The following PTPRK variants were observed in gnomAD, a reference collection of about 807,000 sequenced individuals.
PTPRK encodes the protein protein tyrosine phosphatase receptor type K, also known as receptor-type tyrosine-protein phosphatase kappa.
Under a neutral mutation model 178.0 loss-of-function variants are expected in PTPRK, and 75 were observed. The observed-to-expected ratio is 0.42, with a 90% CI of 0.35 to 0.51. PTPRK has a LOEUF of 0.51. Ranked by LOEUF, PTPRK falls within the 20% of genes least tolerant of loss-of-function variation. The pLI is 0.02. For missense variants in PTPRK, 1,441 were observed against 1,797.8 expected (o/e 0.80, Z 3.59); for synonymous variants, 637 against 620.6 (o/e 1.03, Z -0.39).
intron 2 of PTPRK, among the ~76,000 whole-genome samples, chr6:128,376,495 T>C (rs1214497997): frequency 1.3e-5 from 2 of 152,128 alleles, no homozygotes; most frequent in Non-Finnish European, 2.9e-5. Context: ...CATCTTTTTC[T>C]CCTAGCCCTC....
intron 13 of PTPRK, among the ~76,000 whole-genome samples, chr6:128,035,458 C>A (rs1055692486): frequency 2.0e-5 from 3 of 152,116 alleles, no homozygotes; most frequent in Non-Finnish European, 4.4e-5. Context: ...GTCATCTGGA[C>A]ACAAAACGAC....
chr6:127,991,254 T>A (rs1776569987), intron 20 of PTPRK, 40 bp downstream of exon 20: 1 of 1,481,334 alleles, frequency 6.8e-7, no homozygotes, highest in Admixed American at 1.9e-5. Context: ...CTCAACTATG[T>A]TCATTTTTAT....
intron 1 of PTPRK, among the ~76,000 whole-genome samples, chr6:128,435,814 A>G (rs1845517852): frequency 6.6e-6 from 1 of 152,184 alleles, no homozygotes; most frequent in Non-Finnish European, 1.5e-5. Context: ...CAAAAATTAC[A>G]ATGAAAGTAA....
intron 2 of PTPRK, among the ~76,000 whole-genome samples, chr6:128,356,536 A>T (rs1452142284): frequency 1.3e-5 from 2 of 152,026 alleles, no homozygotes; most frequent in Admixed American, 1.3e-4. Context: ...ACCCTCCCCC[A>T]TGCCCTTCAC....
rs1035477459 is a variant in PTPRK, at chr6:128,172,929, T to C, written c.1162+11503A>G. Among the ~76,000 whole-genome samples the C allele has an allele frequency of 1.3e-5, 2 of 151,942 alleles. 1 individual carries two copies. The highest frequency in any genetic ancestry group is 1.3e-4 in the Admixed American group (2 of 15,196). ...GGGCCATATGCTCAGGTCCTTCTCC[T>C]GTCATCCTGTGGAGGCATCTGAAGG... On this transcript the variant is annotated intron_variant, in intron 7 of 29. Transcript: ENST00000368226.
intron 2 of PTPRK, among the ~76,000 whole-genome samples, chr6:128,377,784 GAA>G (rs372505286): frequency 6.8e-6 from 1 of 146,210 alleles, no homozygotes; most frequent in African/African-American, 2.5e-5. Flanking sequence ...AAAATAAATG[GAA>G]AAAAAAAATG....
intron 7 of PTPRK, among the ~76,000 whole-genome samples, chr6:128,132,740 C>T (rs1353819326): frequency 6.6e-6 from 1 of 152,224 alleles, no homozygotes; most frequent in African/African-American, 2.4e-5. Flanking sequence ...CCATACACAA[C>T]CTGTGTTCTA....
chr6:128,406,727 A>G (rs1426061543), intron 1 of PTPRK, among the ~76,000 whole-genome samples: 2 of 152,200 alleles, frequency 1.3e-5, no homozygotes, highest in African/African-American at 4.8e-5. Context: ...CTTTTAAGAT[A>G]ATCTTTAAAG....
chr6:128,398,147 G>T (rs1840576726), intron 1 of PTPRK, among the ~76,000 whole-genome samples: 1 of 152,176 alleles, frequency 6.6e-6, no homozygotes, highest in Non-Finnish European at 1.5e-5. Flanking sequence ...TGCGCGAGCA[G>T]CAGCTCAAGG....
chr6:128,065,856 C>T (rs1781661054), intron 12 of PTPRK, among the ~76,000 whole-genome samples: 1 of 152,132 alleles, frequency 6.6e-6, no homozygotes, highest in Admixed American at 6.6e-5. Flanking sequence ...TGCTGTTTAA[C>T]TTTCTAATGG....
rs553488433 is a variant in PTPRK at position 128,219,664 on chromosome 6, A to T, written c.694-568T>A. On this transcript the variant is annotated intron_variant, in intron 5 of 29. Transcript: ENST00000368226. The stretch of plus-strand genomic sequence containing the variant: ...TCAGTTCTCCATAAATTGCTACTAC[A>T]CCAGAGTAAATGAATTAACAGGAGA... 2.6e-5 allele frequency among the ~76,000 whole-genome samples: 4 copies of T among 152,334 alleles called. No individual in the cohort carries two copies. The South Asian group carries it at 8.3e-4, about 32-fold the overall frequency.
intron 13 of PTPRK, among the ~76,000 whole-genome samples, chr6:128,052,913 A>C (rs1005188354): frequency 2.6e-5 from 4 of 152,086 alleles, no homozygotes; most frequent in African/African-American, 9.7e-5. Context: ...GAGGTTGGCA[A>C]TTGTGTCCTC....
intron 2 of PTPRK, among the ~76,000 whole-genome samples, chr6:128,339,842 A>T (rs1007751657): frequency 1.3e-5 from 2 of 152,184 alleles, no homozygotes; most frequent in Non-Finnish European, 2.9e-5. Flanking sequence ...AAGGGACATC[A>T]ATAATACCAC....
At chr6:127,990,943 G>A (rs1263080636) in intron 20 of PTPRK, 58 bp from the exon 21 acceptor site, 2 of 1,032,482 alleles carry the variant, frequency 1.9e-6, no homozygotes, top group South Asian at 1.5e-5. Context: ...ATTAGCCAAG[G>A]TGATTTAATT....
chr6:128,146,862 G>A (rs1796576404), intron 7 of PTPRK, among the ~76,000 whole-genome samples: 1 of 152,084 alleles, frequency 6.6e-6, no homozygotes, highest in Admixed American at 6.6e-5. Context: ...AAATCATTCT[G>A]TGGAGCAGTG....
intron 7 of PTPRK, among the ~76,000 whole-genome samples, chr6:128,108,435 T>C (rs1023125176): frequency 9.2e-5 from 14 of 152,098 alleles, no homozygotes; most frequent in African/African-American, 3.1e-4. Context: ...TTAGTACCCA[T>C]AAGAACTCTA....
intron 3 of PTPRK, among the ~76,000 whole-genome samples, chr6:128,260,952 T>C (rs1818085515): frequency 6.6e-6 from 1 of 152,224 alleles, no homozygotes; most frequent in Non-Finnish European, 1.5e-5. Flanking sequence ...ACATGCATTT[T>C]CTTAGTTTTT....
At chr6:128,067,369 A>G (rs1781981052) in intron 12 of PTPRK, 150 bp downstream of exon 12, 1 of 821,186 alleles carries the variant, frequency 1.2e-6, no homozygotes, top group African/African-American at 1.8e-5. Flanking sequence ...TGTAGCCCCA[A>G]AACTGCGCAC....
chr6:128,049,847 C>A lies in PTPRK; in HGVS notation c.2194+14911G>T, dbSNP rs116502408. 3.3e-3 allele frequency among the ~76,000 whole-genome samples: 496 copies of A among 152,218 alleles called. 6 individuals are homozygous for A. The highest frequency in any genetic ancestry group is 0.011 in the African/African-American group (466 of 41,552). Reference sequence around the variant, plus strand: ...TAGGGCACTTTATAAATTACATATACAAAGATAGGCCAGGTGCGGTGGCTC... The same window carrying A: ...TAGGGCACTTTATAAATTACATATAAAAAGATAGGCCAGGTGCGGTGGCTC... On this transcript the variant is annotated intron_variant, in intron 13 of 29. Coordinates refer to ENST00000368226, the MANE Select transcript of PTPRK (RefSeq NM_002844.4).
Sources: allele counts gnomAD v4.1 joint callset (sites outside exome capture counted in the v4.1 genomes callset), GRCh38; gene constraint gnomAD v4.1.1; transcripts MANE v1.5; gene names NCBI Gene and HGNC (gene_info 2026-07-23, HGNC 2026-07-21).